FNBP4: variants seen among roughly 807,000 people sequenced by gnomAD.
FNBP4 encodes formin-binding protein 4.
A neutral mutation model predicts 119.3 loss-of-function variants in FNBP4; 34 were observed. The observed-to-expected ratio is 0.28, with a 90% confidence interval of 0.22 to 0.38. The LOEUF is 0.38. Among genes scored for constraint, FNBP4 ranks in the 10% least tolerant of loss-of-function variants. The pLI, the probability that FNBP4 is intolerant of heterozygous loss-of-function variation, is 1.00. For synonymous variants in FNBP4, 462 were observed against 430.6 expected (o/e 1.07, Z -0.90); for missense variants, 1,112 against 1,228.9 (o/e 0.90, Z 1.42).
intron 8 of FNBP4, among the ~76,000 whole-genome samples, chr11:47,742,954 T>C (rs565653361): frequency 6.6e-6 from 1 of 152,042 alleles, no homozygotes; most frequent in East Asian, 1.9e-4. Context: ...ATTTAACACC[T>C]GTATTGTTGT....
At chr11:47,767,047 A>C in intron 1 of FNBP4, 22 bp downstream of exon 1, 1 of 1,519,592 alleles carries the variant, frequency 6.6e-7, no homozygotes, top group Non-Finnish European at 8.8e-7. Context: ...GCTCGAGTTC[A>C]GGTCCCCCCG....
rs760039562 is a variant in FNBP4, at chr11:47,753,003, ATGTTGC to A, written c.544_549del (p.Ala182_Thr183del). ...TTTGAAGTAGAAGAAGAAAGGGTAG[ATGTTGC>A]TGCTTCCTTTGGCTCTGGTCGAGGT... is the stretch of plus-strand genomic sequence containing the variant. On this transcript the variant is annotated inframe_deletion, in exon 4 of 17. Transcript: ENST00000263773. The A allele has an allele frequency of 6.2e-7, 1 of 1,614,146 alleles. No homozygotes were observed. The highest frequency in any genetic ancestry group is 1.3e-5 in the African/African-American group (1 of 75,044).
chr11:47,728,409 C>G (rs984225163), intron 12 of FNBP4, among the ~76,000 whole-genome samples: 6 of 152,066 alleles, frequency 3.9e-5, no homozygotes, highest in African/African-American at 1.4e-4. Flanking sequence ...GCCACGACAC[C>G]TGGCTAATTT....
chr11:47,728,609 C>G (rs2097563875), intron 12 of FNBP4, among the ~76,000 whole-genome samples: 1 of 152,074 alleles, frequency 6.6e-6, no homozygotes, highest in African/African-American at 2.4e-5. Context: ...GAATATAGCT[C>G]ACTGCAGCTT....
chr11:47,756,646 T>C (rs1429347283), intron 2 of FNBP4, among the ~76,000 whole-genome samples: 1 of 152,186 alleles, frequency 6.6e-6, no homozygotes, highest in African/African-American at 2.4e-5. Context: ...GCTGCACCCA[T>C]TAACTCATCA....
chr11:47,761,039 TCAAA>T (rs1392979261), intron 2 of FNBP4, among the ~76,000 whole-genome samples: 5 of 152,166 alleles, frequency 3.3e-5, no homozygotes, highest in Non-Finnish European at 7.3e-5. Context: ...TCAAATGCTC[TCAAA>T]CAGTGGACTG....
chr11:47,748,606 C>G (rs1025878667), intron 6 of FNBP4, among the ~76,000 whole-genome samples: 2 of 151,820 alleles, frequency 1.3e-5, no homozygotes, highest in Admixed American at 1.3e-4. Flanking sequence ...AACTCCTGCA[C>G]TCAAGCCATC....
chr11:47,741,507 T>C (rs1225850668), intron 8 of FNBP4, among the ~76,000 whole-genome samples: 3 of 151,752 alleles, frequency 2.0e-5, no homozygotes, highest in East Asian at 3.8e-4. Flanking sequence ...CACTGCTGCT[T>C]AGTATTCCTT....
In FNBP4 at chr11:47,767,035, G is replaced by C. The variant is rs896487575; in HGVS notation, c.220+34C>G. On this transcript the variant is annotated intron_variant, in intron 1 of 16. Transcript: ENST00000263773. Reference sequence around the variant, plus strand: ...GTGAGGAGCCTAGGCCGCAAGCCCTGAGCTCGAGTTCAGGTCCCCCCGCGC... The same window carrying C: ...GTGAGGAGCCTAGGCCGCAAGCCCTCAGCTCGAGTTCAGGTCCCCCCGCGC... The C allele has an allele frequency of 2.6e-6, 4 of 1,515,536 alleles. No individual in the cohort carries two copies. In the African/African-American group the frequency reaches 5.7e-5, roughly 22 times the overall value. 93.9% of individuals were successfully genotyped at this position (1,515,536 alleles called of 1,614,324 possible). A position where few individuals can be genotyped will look rare whatever the true frequency, so the allele number is the denominator to read the frequency against.
chr11:47,753,220 G>A (rs1396214781), intron 3 of FNBP4, 118 bp from the exon 4 acceptor site: 2 of 700,664 alleles, frequency 2.9e-6, no homozygotes, highest in Non-Finnish European at 4.5e-6. Context: ...CACACCTACA[G>A]TTCCAGCACT....
In FNBP4 at chr11:47,765,374, A is replaced by AAACAG. The variant is rs1554991223; in HGVS notation, c.221-13_221-12insCTGTT. 1.2e-5 allele frequency: 12 copies of AAACAG among 1,033,604 alleles called. No individual in the cohort carries two copies. The African/African-American group carries it at 1.3e-4, about 11-fold the overall frequency. 64.0% of individuals were successfully genotyped at this position (1,033,604 alleles called of 1,614,324 possible). The stretch of plus-strand genomic sequence containing the variant: ...CGCTTCCTGTTCATCTGGATTAAAA[A>AAACAG]AAAAGAAAAGAAAAGAAAAGAAAAG... On this transcript the variant is annotated splice_polypyrimidine_tract_variant and intron_variant, in intron 1 of 16. Coordinates refer to ENST00000263773, the MANE Select transcript of FNBP4 (RefSeq NM_015308.5).
chr11:47,737,556 C>T (rs1193781993), intron 8 of FNBP4, among the ~76,000 whole-genome samples: 1 of 152,020 alleles, frequency 6.6e-6, no homozygotes, highest in Non-Finnish European at 1.5e-5. Context: ...CCTCCCACCT[C>T]AGCCTCCCAA....
chr11:47,751,079 C>G (rs1466373581), intron 5 of FNBP4, 43 bp from the exon 6 acceptor site: 38 of 1,612,436 alleles, frequency 2.4e-5, no homozygotes, highest in Non-Finnish European at 3.1e-5. Context: ...AAGACAAATA[C>G]TATCAGCAAA....
At chr11:47,737,744 T>G (rs2097576215) in intron 8 of FNBP4, among the ~76,000 whole-genome samples, 2 of 151,254 alleles carry the variant, frequency 1.3e-5, no homozygotes, top group Non-Finnish European at 2.9e-5. Context: ...CCAGGCTGCA[T>G]CATAATTTTT....
intron 2 of FNBP4, among the ~76,000 whole-genome samples, chr11:47,757,110 G>C (rs978915683): frequency 1.3e-5 from 2 of 152,168 alleles, no homozygotes; most frequent in African/African-American, 4.8e-5. Flanking sequence ...AGATCCTTGA[G>C]GAATCACCAC....
chr11:47,759,388 A>G (rs1216453593), intron 2 of FNBP4, among the ~76,000 whole-genome samples: 1 of 149,598 alleles, frequency 6.7e-6, no homozygotes, highest in East Asian at 2.0e-4. Context: ...ATTTTTTTGT[A>G]TTTTTAGTAG....
chr11:47,734,292 T>G (rs1026986336), intron 9 of FNBP4, among the ~76,000 whole-genome samples, 163 bp from the exon 10 acceptor site: 3 of 152,190 alleles, frequency 2.0e-5, no homozygotes, highest in African/African-American at 7.2e-5. Context: ...AAATTCTAAT[T>G]TATAGTAACA....
intron 4 of FNBP4, among the ~76,000 whole-genome samples, chr11:47,751,603 A>G (rs1315221574): frequency 6.6e-6 from 1 of 152,170 alleles, no homozygotes; most frequent in Admixed American, 6.6e-5. Flanking sequence ...CCTAACACCA[A>G]GAATTATTTT....
chr11:47,731,957 T>C, intron 11 of FNBP4: 1 of 999,262 alleles, frequency 1.0e-6, no homozygotes, highest in Non-Finnish European at 1.2e-6. Context: ...CTTCCCCTCT[T>C]GGACCGTGGA....
Sources: allele counts gnomAD v4.1 joint callset (sites outside exome capture counted in the v4.1 genomes callset), GRCh38; gene constraint gnomAD v4.1.1; transcripts MANE v1.5; gene names NCBI Gene and HGNC (gene_info 2026-07-23, HGNC 2026-07-21).